Variants in DNER observed in about 807,000 individuals in gnomAD.
DNER encodes the protein delta and Notch-like epidermal growth factor-related receptor.
DNER carries 33 observed loss-of-function variants against 78.2 expected under a neutral mutation model. The ratio of observed to expected loss-of-function variants is 0.42; its 90% confidence interval spans 0.32 to 0.56. The LOEUF is 0.56. Among genes scored for constraint, DNER ranks in the 20% least tolerant of loss-of-function variants. DNER has a pLI of 0.11. For missense variants in DNER, 918 were observed against 975.3 expected, an observed-to-expected ratio of 0.94 and a Z score of 0.78; for synonymous variants, 417 against 384.8, an observed-to-expected ratio of 1.08 and a Z score of -0.98.
At chr2:229,662,819 G>T (rs1344668803) in intron 1 of DNER, among the ~76,000 whole-genome samples, 1 of 152,232 alleles carries the variant, frequency 6.6e-6, no homozygotes, top group African/African-American at 2.4e-5. Flanking sequence ...ATGAAATCAG[G>T]TAGACCTGTC....
intron 1 of DNER, among the ~76,000 whole-genome samples, chr2:229,708,824 A>G (rs960647394): frequency 1.4e-4 from 21 of 152,354 alleles, no homozygotes; most frequent in Admixed American, 1.2e-3. Flanking sequence ...AATGCAGTGC[A>G]CGAAACAGGC....
intron 1 of DNER, among the ~76,000 whole-genome samples, chr2:229,605,245 G>T (rs897812349): frequency 2.6e-5 from 4 of 152,104 alleles, no homozygotes; most frequent in Non-Finnish European, 1.5e-5. Context: ...CAACAGAGAC[G>T]GGAGTTTCTG....
chr2:229,406,634 T>C (rs1693390594), intron 10 of DNER, among the ~76,000 whole-genome samples: 1 of 152,104 alleles, frequency 6.6e-6, no homozygotes, highest in Non-Finnish European at 1.5e-5. Context: ...ACATTTCACA[T>C]CTGTTTTTGA....
chr2:229,517,109 CA>C (rs57947628), intron 5 of DNER, among the ~76,000 whole-genome samples: 3,931 of 57,842 alleles, frequency 0.068, 71 homozygotes, highest in African/African-American at 0.17. Flanking sequence ...GACTCCGTCT[CA>C]AAAAAAAAAA....
chr2:229,628,543 A>G (rs1044923804), intron 1 of DNER, among the ~76,000 whole-genome samples: 1 of 152,196 alleles, frequency 6.6e-6, no homozygotes, highest in Non-Finnish European at 1.5e-5. Flanking sequence ...AAGATATCTT[A>G]TAAGAACCCC....
rs1695916740 is a variant in DNER, at chr2:229,513,689, A to G, written c.994-753T>C. Among the ~76,000 whole-genome samples, 3 of 152,178 alleles carry G rather than the reference A, an allele frequency of 2.0e-5. No individual in the cohort carries two copies. The South Asian group carries it at 6.2e-4, about 32-fold the overall frequency. Reference sequence around the variant, plus strand: ...CAAATCTGTCCCCAAAGCCTACACAAAGCAATATAGATCATTACAGAAGAT... The same window carrying G: ...CAAATCTGTCCCCAAAGCCTACACAGAGCAATATAGATCATTACAGAAGAT... On this transcript the variant is annotated intron_variant, in intron 5 of 12. Transcript: ENST00000341772.
At chr2:229,630,041 A>G (rs966101419) in intron 1 of DNER, among the ~76,000 whole-genome samples, 25 of 152,306 alleles carry the variant, frequency 1.6e-4, no homozygotes, top group Admixed American at 7.2e-4. Flanking sequence ...TCATTTTCCA[A>G]TGTTTTTGTT....
At chr2:229,455,207 G>C (rs1694545049) in intron 7 of DNER, among the ~76,000 whole-genome samples, 1 of 152,146 alleles carries the variant, frequency 6.6e-6, no homozygotes, top group East Asian at 1.9e-4. Context: ...ACCTTCCTAA[G>C]AGAAGCAAGA....
At chr2:229,682,264 G>T (rs1267833197) in intron 1 of DNER, among the ~76,000 whole-genome samples, 1 of 152,184 alleles carries the variant, frequency 6.6e-6, no homozygotes, top group Non-Finnish European at 1.5e-5. Context: ...AACTTCCTAA[G>T]AAACCTTGTA....
At chr2:229,465,601 A>C (rs552310222) in intron 7 of DNER, among the ~76,000 whole-genome samples, 7 of 152,340 alleles carry the variant, frequency 4.6e-5, no homozygotes, top group African/African-American at 1.7e-4. Context: ...AAAAAAATAA[A>C]AAACAAACAG....
chr2:229,447,058 TGA>T (rs1257304406), intron 8 of DNER, among the ~76,000 whole-genome samples: 6 of 152,172 alleles, frequency 3.9e-5, no homozygotes, highest in Non-Finnish European at 8.8e-5. Flanking sequence ...ACAATGAATG[TGA>T]GTTGATCATG....
intron 8 of DNER, among the ~76,000 whole-genome samples, chr2:229,427,629 G>A (rs1331627686): frequency 6.6e-6 from 1 of 152,170 alleles, no homozygotes; most frequent in Non-Finnish European, 1.5e-5. Flanking sequence ...AGAGGGGAAA[G>A]TGAGCTAAGA....
intron 11 of DNER, among the ~76,000 whole-genome samples, chr2:229,371,380 T>C (rs1254754817): frequency 3.3e-5 from 5 of 152,200 alleles, no homozygotes; most frequent in East Asian, 1.9e-4. Context: ...CTGGGAAGAA[T>C]TGTGAACCAG....
chr2:229,482,229 C>A (rs112918783), intron 6 of DNER, among the ~76,000 whole-genome samples: 1,610 of 152,360 alleles, frequency 0.011, 9 homozygotes, highest in Non-Finnish European at 0.017. Context: ...ATACCTTTCA[C>A]ATTGTCTAGT....
Position 229,512,817 on chromosome 2 carries a change from T to C in DNER, c.1113A>G (p.Gln371=). ...NASCIDANEK[Q]DGSNFTCVCL... is the part of the protein sequence containing the mutation. ...AAACACAGGTGAAATTGCTCCCATC[T>C]TGCTTTTCATTTGCATCAATACAGC... Residue 371 remains glutamine, a synonymous_variant, in exon 6 of 13, where the codon CAA becomes CAG. Transcript: ENST00000341772. The C allele has an allele frequency of 1.2e-6, 2 of 1,614,202 alleles. No homozygotes were observed. Among genetic ancestry groups the C allele is most frequent in the Non-Finnish European group, 8.5e-7 (1 of 1,180,010 alleles).
intron 4 of DNER, among the ~76,000 whole-genome samples, chr2:229,566,660 C>T (rs918127965): frequency 4.6e-5 from 7 of 152,106 alleles, no homozygotes; most frequent in South Asian, 4.1e-4. Context: ...GAAAGGTCTT[C>T]GGCACCCAGC....
At chr2:229,380,390 A>C (rs1042538667) in intron 11 of DNER, among the ~76,000 whole-genome samples, 1 of 152,106 alleles carries the variant, frequency 6.6e-6, no homozygotes, top group African/African-American at 2.4e-5. Context: ...CATCCTTCCA[A>C]ATTCACACAG....
intron 6 of DNER, among the ~76,000 whole-genome samples, chr2:229,505,396 T>C (rs544346919): frequency 6.6e-6 from 1 of 152,248 alleles, no homozygotes; most frequent in East Asian, 1.9e-4. Flanking sequence ...CAAGGTAACA[T>C]TCCTAAATCT....
intron 8 of DNER, among the ~76,000 whole-genome samples, chr2:229,433,171 T>C (rs1335507687): frequency 6.6e-6 from 1 of 152,172 alleles, no homozygotes; most frequent in Non-Finnish European, 1.5e-5. Flanking sequence ...AACTCCTGAC[T>C]ATGTGATCCG....
Sources: allele counts gnomAD v4.1 joint callset (sites outside exome capture counted in the v4.1 genomes callset), GRCh38; gene constraint gnomAD v4.1.1; transcripts MANE v1.5; gene names NCBI Gene and HGNC (gene_info 2026-07-23, HGNC 2026-07-21).